Variants in PDE9A observed in about 807,000 individuals in gnomAD.
PDE9A encodes high affinity cGMP-specific 3',5'-cyclic phosphodiesterase 9A.
PDE9A carries 60 observed loss-of-function variants against 87.4 expected under a neutral mutation model. That is an observed-to-expected ratio of 0.69 (90% CI 0.56 to 0.85). The LOEUF is 0.85. Ranked by LOEUF, PDE9A falls within the 40% of genes least tolerant of loss-of-function variation. The pLI, the probability that PDE9A is intolerant of heterozygous loss-of-function variation, is 0.00. For synonymous variants in PDE9A, 272 were observed against 279.4 expected (o/e 0.97, Z 0.27); for missense variants, 665 against 779.0 (o/e 0.85, Z 1.74).
In PDE9A at chr21:42,775,302, G is replaced by A. The variant is rs924589616; in HGVS notation, c.*9G>A. 3 of 1,610,304 alleles carry A rather than the reference G, an allele frequency of 1.9e-6. No individual in the cohort carries two copies. The highest frequency in any genetic ancestry group is 2.5e-6 in the Non-Finnish European group (3 of 1,178,508). On this transcript the variant is annotated 3_prime_UTR_variant, in exon 20 of 20. Transcript: ENST00000291539. ...CAGGAGACTGTGCCTGAGGAAAGCG[G>A]GGGGCGTGGCTGCAGTTCTGGACGG...
At position 42,775,388 on chromosome 21, in the gene PDE9A, CA is replaced by C. The variant is rs1418411008; in HGVS notation, c.*97del. ...GAGCTGCCCTGGGCACCTGGCACCA[CA>C]AGACCATGTTTTCTAAGAACCATTT... On this transcript the variant is annotated 3_prime_UTR_variant, in exon 20 of 20. Transcript: ENST00000291539. The C allele has an allele frequency of 7.1e-5, 67 of 940,912 alleles. No homozygotes were observed. In the Middle Eastern group the frequency reaches 7.2e-4, roughly 10 times the overall value. The allele number at this position is 940,912 out of a possible 1,614,324, so 58.3% of individuals were successfully genotyped here.
chr21:42,720,216 A>G (rs1482628733), intron 4 of PDE9A, among the ~76,000 whole-genome samples: 1 of 152,190 alleles, frequency 6.6e-6, no homozygotes, highest in Non-Finnish European at 1.5e-5. Context: ...CCCCTCCGCC[A>G]GGCGCAGTGA....
rs994741294 is a variant in PDE9A, at chr21:42,692,936, C to T, written c.218+4942C>T. 1.3e-5 allele frequency among the ~76,000 whole-genome samples: 2 copies of T among 152,318 alleles called. No individual in the cohort carries two copies. The highest frequency in any genetic ancestry group is 2.4e-5 in the African/African-American group (1 of 41,584). ...TGCTCACCGTTTCTCTCCCGCCCCC[C>T]GGCCGCATGCTGCAGCCATTCCCTC... On this transcript the variant is annotated intron_variant, in intron 3 of 19. Transcript: ENST00000291539. The surrounding 1 kb of genome is among the most constrained non-coding windows in gnomAD (Gnocchi z 4.3).
chr21:42,700,372 C>T (rs926975746), intron 4 of PDE9A, among the ~76,000 whole-genome samples: 4 of 151,218 alleles, frequency 2.6e-5, no homozygotes, highest in African/African-American at 9.9e-5. Context: ...TTTCACTTGG[C>T]TAAATACCTA....
intron 14 of PDE9A, among the ~76,000 whole-genome samples, chr21:42,763,257 C>A (rs2056009624): frequency 6.6e-6 from 1 of 152,202 alleles, no homozygotes. Context: ...ACAAGGTCCA[C>A]CTCCCGTGAA....
Position 42,727,332 on chromosome 21 carries a change from G to GT in PDE9A, c.263-4435dup, listed in dbSNP as rs111366203. On this transcript the variant is annotated intron_variant, in intron 4 of 19. Coordinates refer to ENST00000291539, the MANE Select transcript of PDE9A (RefSeq NM_002606.3). ...GTGACTGTAAATGGTACTGGTGTTT[G>GT]TTTGTTTGTTTTTGAGACAGGGTCT... Among the ~76,000 whole-genome samples the GT allele has an allele frequency of 4.6e-5, 7 of 151,962 alleles. 1 individual carries two copies. The highest frequency in any genetic ancestry group is 1.7e-4 in the African/African-American group (7 of 41,430).
At chr21:42,700,776 T>C (rs1014567699) in intron 4 of PDE9A, 3 of 152,228 alleles carry the variant, frequency 2.0e-5, no homozygotes, top group African/African-American at 7.2e-5. Context: ...GGAAAATCGA[T>C]GGGCCATGTA....
rs368530498 is a variant in PDE9A, at chr21:42,678,591, T to C, written c.70-7601T>C. On this transcript the variant is annotated intron_variant, in intron 1 of 19. Transcript: ENST00000291539. Reference sequence around the variant, plus strand: ...GCAGAAGGAAAGCAGAGGCTGGACATTGGAATCAGCCTTTCTTTAAACTAA... The same window carrying C: ...GCAGAAGGAAAGCAGAGGCTGGACACTGGAATCAGCCTTTCTTTAAACTAA... Among the ~76,000 whole-genome samples the C allele has an allele frequency of 5.3e-5, 8 of 152,338 alleles. 1 individual carries two copies. The East Asian group carries it at 9.6e-4, about 18-fold the overall frequency.
At chr21:42,664,447 G>A (rs1303413873) in intron 1 of PDE9A, among the ~76,000 whole-genome samples, 3 of 152,184 alleles carry the variant, frequency 2.0e-5, no homozygotes, top group Non-Finnish European at 2.9e-5. Flanking sequence ...GGAGGCCAGC[G>A]AGGGGTTCTA....
intron 7 of PDE9A, among the ~76,000 whole-genome samples, chr21:42,736,870 G>A (rs2052512109): frequency 6.6e-6 from 1 of 152,238 alleles, no homozygotes; most frequent in Non-Finnish European, 1.5e-5. Flanking sequence ...TCTGGCTGAT[G>A]GCTCCCCACT....
intron 4 of PDE9A, among the ~76,000 whole-genome samples, chr21:42,706,131 C>T (rs1181947630): frequency 6.6e-6 from 1 of 152,184 alleles, no homozygotes; most frequent in East Asian, 1.9e-4. Context: ...AGCCATGGAA[C>T]CCCGGAGCTG....
chr21:42,656,019 G>C lies in PDE9A; in HGVS notation c.69+2136G>C, dbSNP rs35812502. Among the ~76,000 whole-genome samples the C allele has an allele frequency of 3.9e-5, 6 of 152,294 alleles. No homozygotes were observed. In the East Asian group the frequency reaches 5.8e-4, roughly 15 times the overall value. ...GCTGCACACCCAGCAGTGCTGTCACGGATGGGTTGCACCGGGCTCAGCTGA... is the reference window on the plus strand; with the variant it reads ...GCTGCACACCCAGCAGTGCTGTCACCGATGGGTTGCACCGGGCTCAGCTGA... On this transcript the variant is annotated intron_variant, in intron 1 of 19. Coordinates refer to ENST00000291539, the MANE Select transcript of PDE9A (RefSeq NM_002606.3).
intron 17 of PDE9A, among the ~76,000 whole-genome samples, chr21:42,769,499 GCAGGTACACATGCACACAAGGCACA>G (rs1314280192): frequency 5.8e-3 from 63 of 10,910 alleles, no homozygotes; most frequent in Non-Finnish European, 0.013. Context: ...CACAAGGCAC[GCAGGTACACATGCACACAAGGCACA>G]CAGGCACACA....
chr21:42,724,210 C>T lies in PDE9A; in HGVS notation c.263-7560C>T, dbSNP rs191926589. On this transcript the variant is annotated intron_variant, in intron 4 of 19. Coordinates refer to ENST00000291539, the MANE Select transcript of PDE9A (RefSeq NM_002606.3). ...CCTGTCACCCCAAGGATGATGACAC[C>T]CCAGGGAAGGTGGTGGAAGCAGGAA... 1.3e-3 allele frequency among the ~76,000 whole-genome samples: 191 copies of T among 152,158 alleles called. 1 individual carries two copies. The highest frequency in any genetic ancestry group is 4.1e-3 in the African/African-American group (170 of 41,496).
chr21:42,753,521 C>T (rs766379418), intron 9 of PDE9A, among the ~76,000 whole-genome samples: 25 of 152,166 alleles, frequency 1.6e-4, no homozygotes, highest in African/African-American at 4.1e-4. Context: ...AGCATTGGCC[C>T]TTTCCAGAAG....
chr21:42,716,540 G>A lies in PDE9A; in HGVS notation c.263-15230G>A, dbSNP rs117624082. On this transcript the variant is annotated intron_variant, in intron 4 of 19. Coordinates refer to ENST00000291539, the MANE Select transcript of PDE9A (RefSeq NM_002606.3). The stretch of plus-strand genomic sequence containing the variant: ...GCCATCTGCATGTCTTCTTTGAGGT[G>A]TCTGTTCATATCTTTTGGCCACTTT... 2.7e-4 allele frequency among the ~76,000 whole-genome samples: 41 copies of A among 151,476 alleles called. No homozygotes were observed. In the East Asian group the frequency reaches 7.3e-3, roughly 27 times the overall value.
intron 19 of PDE9A, among the ~76,000 whole-genome samples, chr21:42,773,589 G>A (rs539701197): frequency 4.0e-5 from 6 of 151,102 alleles, no homozygotes; most frequent in Middle Eastern, 3.5e-3. Context: ...GGCGGATCAC[G>A]AGGAGATCGA....
rs774255551 is a variant in PDE9A, at chr21:42,760,944, G to A, written c.1085+37G>A. The stretch of plus-strand genomic sequence containing the variant: ...ATTTTCTCTTTTTTTCCTTTTAAAA[G>A]GCACCCTGGCTACTGGAGGGAACCT... On this transcript the variant is annotated intron_variant, in intron 13 of 19. Transcript: ENST00000291539. The surrounding 1 kb of genome is among the most constrained non-coding windows in gnomAD (Gnocchi z 5.2). The A allele has an allele frequency of 4.4e-6, 6 of 1,368,588 alleles. No individual in the cohort carries two copies. The highest frequency in any genetic ancestry group is 6.3e-6 in the Non-Finnish European group (6 of 956,526). The allele number at this position is 1,368,588 out of a possible 1,614,324, so 84.8% of individuals were successfully genotyped here. A position where few individuals can be genotyped will look rare whatever the true frequency, so the allele number is the denominator to read the frequency against.
Position 42,754,101 on chromosome 21 carries a change from G to C in PDE9A, c.810+37G>C, listed in dbSNP as rs532499095. On this transcript the variant is annotated intron_variant, in intron 10 of 19. Transcript: ENST00000291539. ...GCTTGCAGGCACCACGTCCCAGGGG[G>C]AGGCAGCTCAGGATCTTGGACGCCA... The C allele has an allele frequency of 1.0e-5, 14 of 1,405,874 alleles. No homozygotes were observed. The East Asian group carries it at 2.7e-4, about 28-fold the overall frequency. The allele number at this position is 1,405,874 out of a possible 1,614,324, so 87.1% of individuals were successfully genotyped here.
Sources: gnomAD v4.1 joint callset for allele counts (sites outside exome capture counted in the v4.1 genomes callset) on GRCh38, gnomAD v4.1.1 for gene constraint, Gnocchi (gnomAD v3.1) non-coding constraint, MANE v1.5 for transcripts, NCBI Gene and HGNC (gene_info 2026-07-23, HGNC 2026-07-21) for gene names.